STK35: variants seen among roughly 807,000 people sequenced by gnomAD.
STK35 encodes the protein serine/threonine kinase 35, also known as serine/threonine-protein kinase 35.
Under a neutral mutation model 37.3 loss-of-function variants are expected in STK35, and 17 were observed. The ratio of observed to expected loss-of-function variants is 0.46; its 90% CI spans 0.31 to 0.68. The LOEUF (loss-of-function observed/expected upper bound fraction) is 0.68. Ranked by LOEUF, STK35 falls within the 30% of genes least tolerant of loss-of-function variation. The pLI is 0.05. For synonymous variants in STK35, 385 were observed against 319.1 expected, an observed-to-expected ratio of 1.21 and a Z score of -2.20; for missense variants, 595 against 746.7, an observed-to-expected ratio of 0.80 and a Z score of 2.37.
intron 2 of STK35, among the ~76,000 whole-genome samples, chr20:2,109,378 G>T (rs1278745801): frequency 6.6e-6 from 1 of 152,204 alleles, no homozygotes; most frequent in East Asian, 1.9e-4. Context: ...CTGGCTGGTG[G>T]ATTCTACATT....
chr20:2,109,629 C>T (rs1024230232), intron 2 of STK35, among the ~76,000 whole-genome samples: 1 of 152,144 alleles, frequency 6.6e-6, no homozygotes, highest in African/African-American at 2.4e-5. Flanking sequence ...GACAGGCTGC[C>T]TTGTGACCGT....
chr20:2,119,026 AG>A (rs1262645259), intron 3 of STK35, among the ~76,000 whole-genome samples: 5 of 152,222 alleles, frequency 3.3e-5, no homozygotes, highest in African/African-American at 1.2e-4. Context: ...TGTATGTGCT[AG>A]GCTCTGGGGT....
chr20:2,120,389 T>C (rs900728899), intron 3 of STK35, among the ~76,000 whole-genome samples: 6 of 152,204 alleles, frequency 3.9e-5, no homozygotes, highest in Non-Finnish European at 8.8e-5. Context: ...CCAGGCTGTT[T>C]TGTTAATTCA....
At position 2,117,504 on chromosome 20, in the gene STK35, G is replaced by T. The variant is rs1985737444; in HGVS notation, c.*37+89G>T. Reference sequence around the variant, plus strand: ...AGGCTGGGGTGCAGCGGGTGCAGTGGCAGGATCTCAGCTCACTGCAACCTC... The same window carrying T: ...AGGCTGGGGTGCAGCGGGTGCAGTGTCAGGATCTCAGCTCACTGCAACCTC... On this transcript the variant is annotated intron_variant, in intron 3 of 3. Transcript: ENST00000381482. This position sits in a 1 kb window ranked among gnomAD's most constrained non-coding sequence, Gnocchi z 4.4. The T allele has an allele frequency of 4.2e-6, 3 of 708,606 alleles. No individual in the cohort carries two copies. The highest frequency in any genetic ancestry group is 6.0e-5 in the Admixed American group (2 of 33,074). The allele number at this position is 708,606 out of a possible 1,614,324, so 43.9% of individuals were successfully genotyped here. A position where few individuals can be genotyped will look rare whatever the true frequency, so the allele number is the denominator to read the frequency against.
rs1600593944 is a variant in STK35, at chr20:2,102,069, C to A, written c.188C>A (p.Ser63Tyr). The stretch of plus-strand genomic sequence containing the variant: ...ACACGCCGGGCTCGGGCCGCCACCT[C>A]CCGCGCTGCTCGGTCCCGGAGGCAG... ...SATRRARAAT[S>Y]RAARSRRQPG... Residue 63 changes from serine to tyrosine, a missense_variant, in exon 1 of 4, where the codon TCC becomes TAC. Physicochemically the swap from Ser to Tyr is moderately radical, Grantham distance 144. Around this residue, in one of 3 missense-constraint regions of STK35, gnomAD observed 389 missense variants for 320.0 expected, o/e 1.22. Transcript: ENST00000381482. 92 of 1,522,154 alleles carry A rather than the reference C, an allele frequency of 6.0e-5. No homozygotes were observed. The East Asian group carries it at 2.3e-3, about 37-fold the overall frequency. 94.3% of individuals were successfully genotyped at this position (1,522,154 alleles called of 1,614,324 possible).
chr20:2,121,261 G>T (rs1985811995), intron 3 of STK35, among the ~76,000 whole-genome samples: 1 of 152,198 alleles, frequency 6.6e-6, no homozygotes, highest in South Asian at 2.1e-4. Context: ...AAGATGGGAG[G>T]CTGTTGCAAT....
intron 3 of STK35, among the ~76,000 whole-genome samples, chr20:2,131,405 G>C (rs1985997179): frequency 6.6e-6 from 1 of 152,114 alleles, no homozygotes. Context: ...CTTGAGCCCA[G>C]GAGTTTGAGA....
At position 2,102,804 on chromosome 20, in the gene STK35, G is replaced by A. The variant is rs1431550751; in HGVS notation, c.331G>A (p.Ala111Thr). The change falls in exon 2 of 4, where the codon GCC (alanine) becomes ACC (threonine). Residue 111 changes from alanine (A) to threonine (T), a missense_variant. Physicochemically the swap from Ala to Thr is moderately conservative, Grantham distance 58 (BLOSUM62 0). This residue lies in a region of STK35 where 389 missense variants were observed against 320.0 expected (regional missense o/e 1.22). Transcript: ENST00000381482. ...AGGTCCGGCTCCTCCGCGTCCCAGG[G>A]CCGGACGGAGGGATGAGGCAGGGGG... ...IQGPAPPRPR[A>T]GRRDEAGGAR... The A allele has an allele frequency of 6.6e-7, 1 of 1,503,836 alleles. No homozygotes were observed. The highest frequency in any genetic ancestry group is 8.8e-7 in the Non-Finnish European group (1 of 1,130,978). The allele number at this position is 1,503,836 out of a possible 1,614,324, so 93.2% of individuals were successfully genotyped here. A position where few individuals can be genotyped will look rare whatever the true frequency, so the allele number is the denominator to read the frequency against.
chr20:2,109,728 G>A (rs1985582644), intron 2 of STK35, among the ~76,000 whole-genome samples: 1 of 152,228 alleles, frequency 6.6e-6, no homozygotes, highest in South Asian at 2.1e-4. Flanking sequence ...CATTCAAGGT[G>A]CTTTGTATGT....
In STK35 at chr20:2,103,568, G is replaced by C. The variant is rs532533113; in HGVS notation, c.892+203G>C. Among the ~76,000 whole-genome samples, 8 of 152,306 alleles carry C rather than the reference G, an allele frequency of 5.3e-5. No homozygotes were observed. The East Asian group carries it at 1.5e-3, about 29-fold the overall frequency. ...AGATCAGTCCCTGGGCCTAAAGTTG[G>C]CTGGTGTTTCCATAACAAGAGCTCG... is the stretch of plus-strand genomic sequence containing the variant. On this transcript the variant is annotated intron_variant, in intron 2 of 3. Transcript: ENST00000381482.
chr20:2,111,918 T>C (rs1985626569), intron 2 of STK35, among the ~76,000 whole-genome samples: 1 of 152,180 alleles, frequency 6.6e-6, no homozygotes, highest in African/African-American at 2.4e-5. Context: ...GCAGTTATTC[T>C]CAGCCTGCCT....
chr20:2,106,902 T>C (rs1339734370), intron 2 of STK35, among the ~76,000 whole-genome samples: 1 of 152,198 alleles, frequency 6.6e-6, no homozygotes, highest in African/African-American at 2.4e-5. Context: ...GGAAGGAAAC[T>C]GAAGCCCAGA....
chr20:2,104,807 C>T (rs1312609349), intron 2 of STK35, among the ~76,000 whole-genome samples: 1 of 152,008 alleles, frequency 6.6e-6, no homozygotes, highest in Non-Finnish European at 1.5e-5. Context: ...CCATCCGTGC[C>T]CCATCCATTC....
intron 3 of STK35, among the ~76,000 whole-genome samples, chr20:2,123,772 G>C (rs941572862): frequency 1.3e-5 from 2 of 152,132 alleles, no homozygotes; most frequent in Admixed American, 1.3e-4. Context: ...TACTAAATAG[G>C]TCCACTCTAT....
intron 3 of STK35, among the ~76,000 whole-genome samples, chr20:2,118,363 G>A (rs763371615): frequency 3.9e-5 from 6 of 152,258 alleles, no homozygotes; most frequent in East Asian, 3.9e-4. Context: ...GGCGGATCAC[G>A]AGGTCAGGAG....
chr20:2,140,783 G>A (rs567553675), intron 3 of STK35, among the ~76,000 whole-genome samples: 113 of 152,286 alleles, frequency 7.4e-4, no homozygotes, highest in African/African-American at 2.5e-3. Flanking sequence ...TGATTACAGC[G>A]GTCATTACAA....
chr20:2,110,983 AATT>A (rs1456081400), intron 2 of STK35, among the ~76,000 whole-genome samples: 2 of 152,224 alleles, frequency 1.3e-5, no homozygotes, highest in Non-Finnish European at 2.9e-5. Context: ...GAGGAAATGT[AATT>A]ATTATCTGAA....
intron 2 of STK35, among the ~76,000 whole-genome samples, chr20:2,108,748 C>T (rs1280525049): frequency 1.3e-5 from 2 of 152,112 alleles, no homozygotes; most frequent in Non-Finnish European, 2.9e-5. Context: ...AGAAGCAGCC[C>T]TTCCTTAATT....
chr20:2,103,183 C>T lies in STK35; in HGVS notation c.710C>T (p.Ala237Val). 3 of 1,608,296 alleles carry T rather than the reference C, an allele frequency of 1.9e-6. No individual in the cohort carries two copies. Among genetic ancestry groups the T allele is most frequent in the Non-Finnish European group, 2.5e-6 (3 of 1,179,236 alleles). The change falls in exon 2 of 4, where the codon GCC (alanine) becomes GTC (valine). Residue 237 changes from alanine to valine, a missense_variant. Around this residue, in one of 3 missense-constraint regions of STK35, gnomAD observed 97 missense variants for 146.4 expected, o/e 0.66. Transcript: ENST00000381482. ...GCGGTCAAGAAGATCCGCTGCGACG[C>T]CCCCGAGAACGTGGAGCTGGCGCTG... is the stretch of plus-strand genomic sequence containing the variant. ...RVAVKKIRCD[A>V]PENVELALAE... is the part of the protein sequence containing the mutation.
Sources: allele counts gnomAD v4.1 joint callset (sites outside exome capture counted in the v4.1 genomes callset), GRCh38; gene constraint gnomAD v4.1.1; regional missense constraint gnomAD v4.1.1; non-coding constraint Gnocchi (gnomAD v3.1); transcripts MANE v1.5; gene names NCBI Gene and HGNC (gene_info 2026-07-23, HGNC 2026-07-21).